Variants in COL5A2 observed in about 807,000 individuals in gnomAD.
COL5A2 encodes collagen alpha-2(V) chain.
A neutral mutation model predicts 208.2 loss-of-function variants in COL5A2; 23 were observed. The observed-to-expected ratio is 0.11, with a 90% CI of 0.08 to 0.16. The LOEUF (loss-of-function observed/expected upper bound fraction) is 0.16, where lower values mean the gene tolerates loss of function less well. Ranked by LOEUF, COL5A2 falls within the 10% of genes least tolerant of loss-of-function variation. The probability of loss-of-function intolerance (pLI) is 1.00; values close to 1 mark genes in which losing one functional copy is unlikely to be tolerated. For missense variants in COL5A2, 1,590 were observed against 1,956.4 expected, an observed-to-expected ratio of 0.81 and a Z score of 3.53; for synonymous variants, 625 against 628.5, an observed-to-expected ratio of 0.99 and a Z score of 0.08.
intron 1 of COL5A2, among the ~76,000 whole-genome samples, chr2:189,151,790 T>C (rs1051391398): frequency 6.6e-6 from 1 of 152,140 alleles, no homozygotes; most frequent in African/African-American, 2.4e-5. Context: ...ACACACCTTA[T>C]ATACTTCTCA....
intron 1 of COL5A2, among the ~76,000 whole-genome samples, chr2:189,187,368 C>A (rs1688865338): frequency 1.3e-5 from 2 of 152,144 alleles, no homozygotes; most frequent in Admixed American, 6.5e-5. Context: ...AAGATAGCAA[C>A]AAAAATGTCT....
In COL5A2 at chr2:189,045,130, T is replaced by C. The variant is rs187470774; in HGVS notation, c.3363+49A>G. On this transcript the variant is annotated intron_variant, in intron 47 of 53. Transcript: ENST00000374866. ...CTTAAATTATACTTCTTTGGGAGTA[T>C]ATTTTATATAAGAAAACATTTTTTA... is the stretch of plus-strand genomic sequence containing the variant. The C allele has an allele frequency of 5.6e-5, 73 of 1,300,144 alleles. No individual in the cohort carries two copies. In the African/African-American group the frequency reaches 9.8e-4, roughly 17 times the overall value. The allele number at this position is 1,300,144 out of a possible 1,614,324, so 80.5% of individuals were successfully genotyped here. A position where few individuals can be genotyped will look rare whatever the true frequency, so the allele number is the denominator to read the frequency against.
In COL5A2 at chr2:189,035,097, C is replaced by T. The variant is rs150931608; in HGVS notation, c.4172G>A (p.Arg1391His). The change falls in exon 53 of 54, where the codon CGC becomes CAC. Residue 1391 changes from arginine (R) to histidine (H), a missense_variant. Physicochemically the swap from Arg to His is conservative, Grantham distance 29. Coordinates refer to ENST00000374866, the MANE Select transcript of COL5A2 (RefSeq NM_000393.5). ...NTAITQMTFL[R>H]LLSKEASQNI... Reference sequence around the variant, plus strand: ...CTGGGAGGCTTCTTTTGATAAAAGGCGCAAAAAAGTCATCTGAGTAATGGC... The same window carrying T: ...CTGGGAGGCTTCTTTTGATAAAAGGTGCAAAAAAGTCATCTGAGTAATGGC... 18 of 1,613,560 alleles carry T rather than the reference C, an allele frequency of 1.1e-5. No homozygotes were observed. Among genetic ancestry groups the T allele is most frequent in the African/African-American group, 5.3e-5 (4 of 74,826 alleles).
the COL5A2 span, among the ~76,000 whole-genome samples, chr2:189,422,277 T>G: frequency 1.3e-5 from 2 of 151,984 alleles, no homozygotes; most frequent in South Asian, 4.1e-4. Flanking sequence ...TAGAGAGAGA[T>G]AATTCAAAGA....
At chr2:189,377,245 C>T in the COL5A2 span, among the ~76,000 whole-genome samples, 1 of 152,206 alleles carries the variant, frequency 6.6e-6, no homozygotes, top group Non-Finnish European at 1.5e-5. Context: ...GTGCCCTTCC[C>T]TTCTCTGCTT....
chr2:189,224,371 T>C (rs1689385819), intron 1 of COL5A2, among the ~76,000 whole-genome samples: 1 of 151,952 alleles, frequency 6.6e-6, no homozygotes, highest in Non-Finnish European at 1.5e-5. Context: ...TAATAAAATA[T>C]GAAAGAGGAA....
intron 1 of COL5A2, among the ~76,000 whole-genome samples, chr2:189,170,730 C>T (rs1250859565): frequency 6.6e-6 from 1 of 151,748 alleles, no homozygotes; most frequent in Non-Finnish European, 1.5e-5. Context: ...CAGCTGGATA[C>T]TCTTGGCACT....
chr2:189,320,416 GA>G, the COL5A2 span, among the ~76,000 whole-genome samples: 7 of 152,180 alleles, frequency 4.6e-5, no homozygotes, highest in African/African-American at 1.7e-4. Flanking sequence ...TAAAAACCTT[GA>G]AAAAAGATTA....
the COL5A2 span, among the ~76,000 whole-genome samples, chr2:189,257,343 T>C: frequency 4.6e-5 from 7 of 152,204 alleles, no homozygotes; most frequent in Non-Finnish European, 8.8e-5. Context: ...ATTCTCTGCC[T>C]AAACAATTTG....
At chr2:189,321,611 GCTAA>G in the COL5A2 span, among the ~76,000 whole-genome samples, 5,527 of 152,218 alleles carry the variant, frequency 0.036, 114 homozygotes, top group Admixed American at 0.05. Context: ...AACAAGAAGA[GCTAA>G]CTATCCTAAA....
the COL5A2 span, among the ~76,000 whole-genome samples, chr2:189,270,925 A>G: frequency 6.6e-6 from 1 of 152,150 alleles, no homozygotes; most frequent in Non-Finnish European, 1.5e-5. Flanking sequence ...AAGAGAATAA[A>G]ATACCTAGGA....
In COL5A2 at chr2:189,213,273, AT is replaced by A. The variant is rs912818093; in HGVS notation, c.-42+11874del. Among the ~76,000 whole-genome samples the A allele has an allele frequency of 9.2e-5, 14 of 152,292 alleles. 1 individual carries two copies. The East Asian group carries it at 2.7e-3, about 29-fold the overall frequency. ...CATCTGAACCAAGCCTCTTTCTAAA[AT>A]TTCAGAAAAAACAAATTAACTTTAA... On this transcript the variant is annotated intron_variant, in intron 1 of 10. Transcript: ENST00000649966.
intron 1 of COL5A2, among the ~76,000 whole-genome samples, chr2:189,186,553 T>C (rs1688855879): frequency 6.6e-6 from 1 of 152,204 alleles, no homozygotes; most frequent in Admixed American, 6.5e-5. Context: ...ATAAAAAAAC[T>C]AATTTGCATC....
chr2:189,130,094 G>A (rs1020068576), intron 1 of COL5A2, among the ~76,000 whole-genome samples: 6 of 152,020 alleles, frequency 3.9e-5, no homozygotes, highest in African/African-American at 1.4e-4. Context: ...GCCCTGGATT[G>A]TGGTGATAGG....
At chr2:189,439,258 A>G in the COL5A2 span, among the ~76,000 whole-genome samples, 1 of 152,124 alleles carries the variant, frequency 6.6e-6, no homozygotes, top group Non-Finnish European at 1.5e-5. Context: ...TAACATACAG[A>G]TTTTGTTAAC....
intron 1 of COL5A2, among the ~76,000 whole-genome samples, chr2:189,142,518 T>C (rs1027012044): frequency 1.3e-5 from 2 of 152,142 alleles, no homozygotes; most frequent in Admixed American, 6.6e-5. Context: ...AAAGTAATGA[T>C]TATCATTATA....
At chr2:189,035,799 G>T (rs910777445) in intron 52 of COL5A2, among the ~76,000 whole-genome samples, 2 of 151,930 alleles carry the variant, frequency 1.3e-5, no homozygotes, top group African/African-American at 4.8e-5. Context: ...TATTCTGAAC[G>T]TGATTTCTAG....
the COL5A2 span, among the ~76,000 whole-genome samples, chr2:189,355,060 G>T: frequency 6.6e-6 from 1 of 152,148 alleles, no homozygotes; most frequent in African/African-American, 2.4e-5. Flanking sequence ...TCAGGAGCAG[G>T]TTGTTCAATT....
the COL5A2 span, among the ~76,000 whole-genome samples, chr2:189,277,917 T>C: frequency 1.3e-5 from 2 of 152,252 alleles, no homozygotes; most frequent in South Asian, 4.1e-4. Flanking sequence ...CTATTTTTCC[T>C]GGGTGGGAAC....
Sources: gnomAD v4.1 joint callset for allele counts (sites outside exome capture counted in the v4.1 genomes callset) on GRCh38, gnomAD v4.1.1 for gene constraint, MANE v1.5 for transcripts, NCBI Gene and HGNC (gene_info 2026-07-23, HGNC 2026-07-21) for gene names.